The following IL1RAPL1 variants were observed in gnomAD, a reference collection of about 807,000 sequenced individuals.
IL1RAPL1 encodes the protein interleukin-1 receptor accessory protein-like 1.
In IL1RAPL1, 3 loss-of-function variants were observed where a neutral mutation model predicts 48.4. The ratio of observed to expected loss-of-function variants is 0.06; its 90% CI spans 0.03 to 0.16. The LOEUF is 0.16. Ranked by LOEUF, IL1RAPL1 falls within the 10% of genes least tolerant of loss-of-function variation. IL1RAPL1 has a pLI of 1.00. For synonymous variants in IL1RAPL1, 185 were observed against 187.7 expected, an observed-to-expected ratio of 0.99 and a Z score of 0.12; for missense variants, 349 against 530.6, an observed-to-expected ratio of 0.66 and a Z score of 3.36.
intron 1 of IL1RAPL1, among the ~76,000 whole-genome samples, chrX:28,627,358 G>T (rs1172270368): frequency 1.8e-5 from 2 of 111,739 alleles, no homozygotes; most frequent in Non-Finnish European, 3.8e-5. Context: ...TTATGTGGTG[G>T]TTCTCCTCCT....
At chrX:28,652,152 T>C (rs1434633821) in intron 1 of IL1RAPL1, among the ~76,000 whole-genome samples, 4 of 111,456 alleles carry the variant, frequency 3.6e-5, no homozygotes, top group Non-Finnish European at 7.5e-5. Flanking sequence ...GTCTTAAATC[T>C]GGGCAAGCAC....
intron 1 of IL1RAPL1, among the ~76,000 whole-genome samples, chrX:28,627,152 A>G (rs900675107): frequency 8.9e-6 from 1 of 112,171 alleles, no homozygotes; most frequent in Non-Finnish European, 1.9e-5. Context: ...AACAGTTCTC[A>G]GTTCATGGCT....
At chrX:29,028,296 T>G (rs372383460) in intron 2 of IL1RAPL1, among the ~76,000 whole-genome samples, 1,162 of 101,952 alleles carry the variant, frequency 0.011, 21 homozygotes, top group African/African-American at 0.038. Flanking sequence ...TTGTTTGTTT[T>G]TTTTTTTTTT....
chrX:29,862,727 G>A (rs1931613440), intron 6 of IL1RAPL1, among the ~76,000 whole-genome samples: 1 of 110,454 alleles, frequency 9.1e-6, no homozygotes, highest in African/African-American at 3.3e-5. Flanking sequence ...TAAGAAGTAG[G>A]AACAATAGAG....
intron 2 of IL1RAPL1, among the ~76,000 whole-genome samples, chrX:28,877,120 A>C (rs932726294): frequency 1.8e-5 from 2 of 112,129 alleles, no homozygotes; most frequent in East Asian, 5.6e-4. Context: ...TCTACTTTCA[A>C]TGTTTCTAAT....
chrX:28,962,882 A>AGG (rs775169349), intron 2 of IL1RAPL1, among the ~76,000 whole-genome samples: 2 of 96,010 alleles, frequency 2.1e-5, no homozygotes, highest in African/African-American at 7.5e-5. Context: ...GTCTGTGTGT[A>AGG]TGTGTGTGTG....
At chrX:29,216,104 G>T (rs1930861919) in intron 2 of IL1RAPL1, among the ~76,000 whole-genome samples, 1 of 112,104 alleles carries the variant, frequency 8.9e-6, no homozygotes, top group African/African-American at 3.2e-5. Context: ...AGCCTTTCAA[G>T]CATGTTTTGT....
At chrX:28,633,090 T>C (rs1444145768) in intron 1 of IL1RAPL1, among the ~76,000 whole-genome samples, 2 of 110,636 alleles carry the variant, frequency 1.8e-5, no homozygotes, top group African/African-American at 6.6e-5. Context: ...GTTTTCGCCA[T>C]GTTGGCCAGA....
At chrX:29,178,255 G>A (rs1930068511) in intron 2 of IL1RAPL1, among the ~76,000 whole-genome samples, 1 of 111,758 alleles carries the variant, frequency 8.9e-6, no homozygotes, top group Admixed American at 9.5e-5. Context: ...TCCAGCATCT[G>A]TTGTTTTCTG....
At chrX:28,844,864 T>C (rs1026882030) in intron 2 of IL1RAPL1, among the ~76,000 whole-genome samples, 1 of 111,981 alleles carries the variant, frequency 8.9e-6, no homozygotes, top group Non-Finnish European at 1.9e-5. Flanking sequence ...GCAGTTCTTA[T>C]TGATATTGTC....
chrX:29,375,351 A>G (rs1403582514), intron 3 of IL1RAPL1, among the ~76,000 whole-genome samples: 1 of 109,794 alleles, frequency 9.1e-6, no homozygotes, highest in Non-Finnish European at 1.9e-5. Context: ...TTTTTAGTAG[A>G]GACGGGGTTT....
intron 6 of IL1RAPL1, among the ~76,000 whole-genome samples, chrX:29,728,468 G>A (rs980326144): frequency 3.6e-5 from 4 of 111,836 alleles, no homozygotes; most frequent in Admixed American, 2.8e-4. Context: ...CCCACTGGGG[G>A]TGCTATAGAA....
At chrX:29,868,856 A>G (rs1931749277) in intron 6 of IL1RAPL1, among the ~76,000 whole-genome samples, 1 of 112,326 alleles carries the variant, frequency 8.9e-6, no homozygotes, top group South Asian at 3.6e-4. Context: ...GGCAGTGTGG[A>G]GAGGGGCTTG....
At chrX:29,316,625 G>C (rs1196121074) in intron 3 of IL1RAPL1, among the ~76,000 whole-genome samples, 1 of 111,888 alleles carries the variant, frequency 8.9e-6, no homozygotes, top group African/African-American at 3.3e-5. Flanking sequence ...GGCCTAAAAG[G>C]GTGAGATATC....
At chrX:29,660,076 C>T (rs1388447840) in intron 5 of IL1RAPL1, among the ~76,000 whole-genome samples, 3 of 110,923 alleles carry the variant, frequency 2.7e-5, no homozygotes, top group Middle Eastern at 4.3e-3. Flanking sequence ...GTGCTACACA[C>T]TTTTAAACAA....
chrX:29,793,613 C>T (rs1800894598), intron 6 of IL1RAPL1, among the ~76,000 whole-genome samples: 1 of 111,957 alleles, frequency 8.9e-6, no homozygotes, highest in African/African-American at 3.2e-5. Flanking sequence ...CACATTATTA[C>T]ACTTACTACA....
At chrX:29,819,730 G>A (rs1185232587) in intron 6 of IL1RAPL1, among the ~76,000 whole-genome samples, 1 of 108,871 alleles carries the variant, frequency 9.2e-6, no homozygotes, top group Non-Finnish European at 1.9e-5. Context: ...AACTTTTCCA[G>A]TATAAATATA....
At chrX:28,941,435 T>A (rs1269860632) in intron 2 of IL1RAPL1, among the ~76,000 whole-genome samples, 1 of 111,059 alleles carries the variant, frequency 9.0e-6, no homozygotes, top group Non-Finnish European at 1.9e-5. Flanking sequence ...CCCTTTTTGG[T>A]ACCACTTTTA....
chrX:29,562,377 C>T (rs901060124), intron 5 of IL1RAPL1, among the ~76,000 whole-genome samples: 1 of 110,763 alleles, frequency 9.0e-6, no homozygotes, highest in African/African-American at 3.3e-5. Flanking sequence ...AGAGGGTACT[C>T]TGGCATTGAA....
Sources: gnomAD v4.1 joint callset for allele counts (sites outside exome capture counted in the v4.1 genomes callset) on GRCh38, gnomAD v4.1.1 for gene constraint, MANE v1.5 for transcripts, NCBI Gene and HGNC (gene_info 2026-07-23, HGNC 2026-07-21) for gene names.